Variants in SSH2 observed in about 807,000 individuals in gnomAD.
SSH2 encodes slingshot protein phosphatase 2, also known as protein phosphatase Slingshot homolog 2.
A neutral mutation model predicts 135.2 loss-of-function variants in SSH2; 37 were observed. That is an observed-to-expected ratio of 0.27 (90% confidence interval 0.21 to 0.36). The LOEUF is 0.36. SSH2 is among the 10% of genes least tolerant of loss of function. The probability of loss-of-function intolerance (pLI) is 1.00; values close to 1 mark genes in which losing one functional copy is unlikely to be tolerated. For synonymous variants in SSH2, 628 were observed against 646.2 expected (o/e 0.97, Z 0.43); for missense variants, 1,408 against 1,765.3 (o/e 0.80, Z 3.63).
chr17:29,838,986 G>A (rs979998096), intron 2 of SSH2: 1 of 152,762 alleles, frequency 6.5e-6, no homozygotes, highest in Non-Finnish European at 1.5e-5. Context: ...GTGGCCCTTT[G>A]GGGAACCCAG....
intron 3 of SSH2, among the ~76,000 whole-genome samples, chr17:29,760,621 A>C (rs1209100001): frequency 4.6e-5 from 7 of 152,146 alleles, no homozygotes; most frequent in African/African-American, 1.7e-4. Flanking sequence ...AGGAGGAGAT[A>C]AAATAGAAAC....
At chr17:29,833,427 G>A (rs2042882515) in intron 2 of SSH2, among the ~76,000 whole-genome samples, 2 of 151,872 alleles carry the variant, frequency 1.3e-5, no homozygotes, top group South Asian at 4.2e-4. Flanking sequence ...GTTTCCATTG[G>A]CATGGAATAT....
chr17:29,913,632 T>C (rs1211600866), intron 1 of SSH2, among the ~76,000 whole-genome samples: 1 of 151,018 alleles, frequency 6.6e-6, no homozygotes, highest in Admixed American at 6.6e-5. Flanking sequence ...CTATATTTCT[T>C]TCTTTTTTCT....
Position 29,636,537 on chromosome 17 carries a change from G to A in SSH2, c.1693C>T (p.His565Tyr), listed in dbSNP as rs755901682. The change falls in exon 15 of 16, where the codon CAT becomes TAT. Residue 565 changes from histidine (H) to tyrosine (Y), a missense_variant. Transcript: ENST00000540801. ...ICLEFTSREF[H>Y]AGQIEDELNL... The stretch of plus-strand genomic sequence containing the variant: ...AATTCATCCTCAATCTGTCCAGCAT[G>A]AAATTCCCTAGAAGTAAACTCCAAG... 1 of 1,614,192 alleles carries A rather than the reference G, an allele frequency of 6.2e-7. No homozygotes were observed.
chr17:29,894,441 A>G (rs2066405143), intron 1 of SSH2, among the ~76,000 whole-genome samples: 1 of 152,080 alleles, frequency 6.6e-6, no homozygotes, highest in Non-Finnish European at 1.5e-5. Flanking sequence ...ATAACATGGC[A>G]TAGTATTTGC....
chr17:29,848,756 A>AG, intron 2 of SSH2, 93 bp downstream of exon 2: 1 of 745,084 alleles, frequency 1.3e-6, no homozygotes, highest in Non-Finnish European at 2.2e-6. Flanking sequence ...ATAAAATAAT[A>AG]GGCACTATAT....
At chr17:29,747,097 G>A (rs1450323746) in intron 3 of SSH2, among the ~76,000 whole-genome samples, 2 of 152,092 alleles carry the variant, frequency 1.3e-5, no homozygotes, top group Non-Finnish European at 2.9e-5. Context: ...ACCATAACTG[G>A]AATTTTTATT....
At chr17:29,911,021 T>C (rs1020559067) in intron 1 of SSH2, among the ~76,000 whole-genome samples, 2 of 152,134 alleles carry the variant, frequency 1.3e-5, no homozygotes, top group African/African-American at 4.8e-5. Flanking sequence ...AGAAAAAAAA[T>C]CATCATTGAT....
chr17:29,902,338 G>T (rs1288639112), intron 1 of SSH2, among the ~76,000 whole-genome samples: 1 of 152,066 alleles, frequency 6.6e-6, no homozygotes, highest in Non-Finnish European at 1.5e-5. Flanking sequence ...CCCCATGAAT[G>T]TTCACCTTAG....
intron 2 of SSH2, among the ~76,000 whole-genome samples, chr17:29,823,030 T>C (rs563893120): frequency 2.6e-5 from 4 of 152,286 alleles, no homozygotes; most frequent in Admixed American, 2.6e-4. Context: ...CAGAGAACAG[T>C]TGTGAAAAAA....
chr17:29,875,442 T>C (rs2066010814), intron 1 of SSH2, among the ~76,000 whole-genome samples: 1 of 152,162 alleles, frequency 6.6e-6, no homozygotes, highest in African/African-American at 2.4e-5. Flanking sequence ...TTATCTGCAA[T>C]TGCCTCCCTA....
chr17:29,644,547 G>T (rs1482407931), intron 14 of SSH2, among the ~76,000 whole-genome samples: 1 of 152,088 alleles, frequency 6.6e-6, no homozygotes, highest in African/African-American at 2.4e-5. Flanking sequence ...GATGGCTCAC[G>T]CCTGTAATCC....
chr17:29,890,262 T>C (rs2066323353), intron 1 of SSH2, among the ~76,000 whole-genome samples: 1 of 152,132 alleles, frequency 6.6e-6, no homozygotes, highest in South Asian at 2.1e-4. Context: ...TGGCAGTTCA[T>C]CAGTTAAAAA....
chr17:29,744,378 C>T (rs1006433853), intron 3 of SSH2, among the ~76,000 whole-genome samples: 2 of 152,030 alleles, frequency 1.3e-5, no homozygotes, highest in Admixed American at 6.6e-5. Flanking sequence ...CTGCTGGTCC[C>T]GGCGTGTATT....
intron 3 of SSH2, among the ~76,000 whole-genome samples, chr17:29,763,961 TTC>T (rs1401966811): frequency 6.6e-6 from 1 of 151,840 alleles, no homozygotes; most frequent in African/African-American, 2.4e-5. Flanking sequence ...TTTTTTTTTT[TTC>T]CCTGAGACAG....
intron 1 of SSH2, among the ~76,000 whole-genome samples, chr17:29,898,619 G>A (rs1317306600): frequency 6.6e-6 from 1 of 152,152 alleles, no homozygotes; most frequent in Non-Finnish European, 1.5e-5. Context: ...AACAGGCTCT[G>A]AAATTGAGGC....
chr17:29,642,744 T>A (rs1269737858), intron 14 of SSH2, among the ~76,000 whole-genome samples: 1 of 152,176 alleles, frequency 6.6e-6, no homozygotes, highest in Non-Finnish European at 1.5e-5. Context: ...GTGCAAAAAG[T>A]CCCTTGTATT....
At chr17:29,920,044 T>C (rs370731051) in intron 1 of SSH2, among the ~76,000 whole-genome samples, 73 of 152,138 alleles carry the variant, frequency 4.8e-4, no homozygotes, top group South Asian at 2.1e-3. Context: ...GTAGCTGGGA[T>C]TACAGGCATG....
chr17:29,761,876 TA>T (rs1567957561), intron 3 of SSH2, among the ~76,000 whole-genome samples: 11 of 103,530 alleles, frequency 1.1e-4, no homozygotes, highest in African/African-American at 3.2e-4. Flanking sequence ...TGTGTGTATA[TA>T]TATATATATA....
Sources: allele counts gnomAD v4.1 joint callset (sites outside exome capture counted in the v4.1 genomes callset), GRCh38; gene constraint gnomAD v4.1.1; transcripts MANE v1.5; gene names NCBI Gene and HGNC (gene_info 2026-07-23, HGNC 2026-07-21).